SLITRK6: variants seen among roughly 807,000 people sequenced by gnomAD.
SLITRK6 encodes SLIT and NTRK-like protein 6.
In SLITRK6, 35 loss-of-function variants were observed where a neutral mutation model predicts 55.6. The observed-to-expected ratio is 0.63, with a 90% CI of 0.48 to 0.83. The LOEUF is 0.83. Ranked by LOEUF, SLITRK6 falls within the 40% of genes least tolerant of loss-of-function variation. SLITRK6 has a pLI of 0.00. For missense variants in SLITRK6, 977 were observed against 986.4 expected, an observed-to-expected ratio of 0.99 and a Z score of 0.13; for synonymous variants, 392 against 359.6, an observed-to-expected ratio of 1.09 and a Z score of -1.02.
In SLITRK6 at chr13:85,795,053, T is replaced by G; in HGVS notation, c.1456A>C (p.Lys486Gln). ...AACTGGTTTGTTTTAAGATTTACCT[T>G]AGTTAGAGGAACCCCTGAAAAAATA... Reference protein sequence around the residue: ...PHIFSGVPLTKVNLKTNQFTH... With the variant: ...PHIFSGVPLTQVNLKTNQFTH... Residue 486 changes from lysine (K) to glutamine (Q), a missense_variant, in exon 2 of 2, where the codon AAG becomes CAG. Transcript: ENST00000647374. The G allele has an allele frequency of 6.2e-7, 1 of 1,613,010 alleles. No individual in the cohort carries two copies. The highest frequency in any genetic ancestry group is 8.5e-7 in the Non-Finnish European group (1 of 1,179,376).
chr13:85,797,151 C>CTATATATATATATATATATATA (rs10694306), intron 1 of SLITRK6, among the ~76,000 whole-genome samples: 4 of 145,146 alleles, frequency 2.8e-5, no homozygotes, highest in African/African-American at 1.0e-4. Context: ...TCGGTTTTGG[C>CTATATATATATATATATATATA]TATATATATA....
rs1284377220 is a variant in SLITRK6 at position 85,795,907 on chromosome 13, A to G, written c.602T>C (p.Val201Ala). The G allele has an allele frequency of 2.5e-6, 4 of 1,612,948 alleles. No homozygotes were observed. The highest frequency in any genetic ancestry group is 2.2e-5 in the East Asian group (1 of 44,842). The change falls in exon 2 of 2, where the codon GTT (valine) becomes GCT (alanine). Residue 201 changes from valine to alanine, a missense_variant. Transcript: ENST00000647374. ...TCGGCCAATGTGTTCGAGAAAACCA[A>G]CATAAGGCAATGTTTGTAATTGATT... ...RGNQLQTLPY[V>A]GFLEHIGRIL...
chr13:85,794,254 G>T lies in SLITRK6; in HGVS notation c.2255C>A (p.Ala752Asp). The change falls in exon 2 of 2, where the codon GCC becomes GAC. Residue 752 changes from alanine (A) to aspartate (D), a missense_variant. Coordinates refer to ENST00000647374, the MANE Select transcript of SLITRK6 (RefSeq NM_032229.3). ...TAAAATGTTTCTGTACAATGAGCTG[G>T]CATCTTGGAAGGATAAAAATTCTGT... The part of the protein sequence containing the change: ...QSTEFLSFQD[A>D]SSLYRNILEK... The T allele has an allele frequency of 6.2e-7, 1 of 1,613,312 alleles. No homozygotes were observed. Among genetic ancestry groups the T allele is most frequent in the Non-Finnish European group, 8.5e-7 (1 of 1,179,544 alleles).
At position 85,795,086 on chromosome 13, in the gene SLITRK6, G is replaced by A. The variant is rs1247524581; in HGVS notation, c.1423C>T (p.Pro475Ser). Residue 475 changes from proline to serine, a missense_variant, in exon 2 of 2, where the codon CCA becomes TCA. Transcript: ENST00000647374. ...YLNNNLLQVL[P>S]PHIFSGVPLT... ...GGAACCCCTGAAAAAATATGTGGTG[G>A]TAAAACTTGGAGGAGGTTGTTATTT... 6.2e-7 allele frequency: 1 copy of A among 1,613,008 alleles called. No homozygotes were observed. The highest frequency in any genetic ancestry group is 8.5e-7 in the Non-Finnish European group (1 of 1,179,410).
rs760532769 is a variant in SLITRK6 at position 85,794,578 on chromosome 13, A to G, written c.1931T>C (p.Val644Ala). 2.5e-6 allele frequency: 4 copies of G among 1,613,100 alleles called. No individual in the cohort carries two copies. The highest frequency in any genetic ancestry group is 1.3e-5 in the African/African-American group (1 of 74,828). ...HRRRRYKKKQVDEQMRDNSPV... is the reference protein window; with the variant it reads ...HRRRRYKKKQADEQMRDNSPV... ...ACTGTTGTCTCTCATTTGCTCATCT[A>G]CTTGTTTCTTTTTGTATCTTCTCCT... Residue 644 changes from valine (V) to alanine (A), a missense_variant, in exon 2 of 2, where the codon GTA (valine) becomes GCA (alanine). Val to Ala is a moderately conservative substitution (Grantham distance 64). Coordinates refer to ENST00000647374, the MANE Select transcript of SLITRK6 (RefSeq NM_032229.3).
chr13:85,795,667 C>A lies in SLITRK6; in HGVS notation c.842G>T (p.Gly281Val). Residue 281 changes from glycine to valine, a missense_variant, in exon 2 of 2, where the codon GGA (glycine) becomes GTA (valine). Physicochemically the swap from Gly to Val is moderately radical, Grantham distance 109. Coordinates refer to ENST00000647374, the MANE Select transcript of SLITRK6 (RefSeq NM_032229.3). ...AGATGTTGCTGCCAGATGTAATGAT[C>A]CTGAAGGATCCTCATGTTCTTCATA... ...PVYEEHEDPS[G>V]SLHLAATSSI... 1 of 1,613,022 alleles carries A rather than the reference C, an allele frequency of 6.2e-7. No homozygotes were observed. The highest frequency in any genetic ancestry group is 1.1e-5 in the South Asian group (1 of 91,060).
rs1566398927 is a variant in SLITRK6 at position 85,796,261 on chromosome 13, TC to T, written c.247del (p.Asp83ThrfsTer23). 2 of 1,612,446 alleles carry T rather than the reference TC, an allele frequency of 1.2e-6. No homozygotes were observed. Among genetic ancestry groups the T allele is most frequent in the Non-Finnish European group, 1.7e-6 (2 of 1,179,152 alleles). ...NNGLTMLHTN[D>X]FSGLTNAISI... ...AATAGCATTGGTAAGCCCAGAAAAGTCATTTGTGTGAAGCATCGTCAAGCCG... is the reference window on the plus strand; with the variant it reads ...AATAGCATTGGTAAGCCCAGAAAAGTATTTGTGTGAAGCATCGTCAAGCCG... On this transcript the variant is annotated frameshift_variant, in exon 2 of 2. Transcript: ENST00000647374. LOFTEE classifies it high-confidence loss of function.
chr13:85,794,419 G>T lies in SLITRK6; in HGVS notation c.2090C>A (p.Pro697Gln). The part of the protein sequence containing the change: ...VHVYRSPSFG[P>Q]KHLEEEEERN... ...CTCTTCTTCCTCTTCCAGATGCTTT[G>T]GACCAAAGGATGGACTTCTATAGAC... is the stretch of plus-strand genomic sequence containing the variant. The change falls in exon 2 of 2, where the codon CCA (proline) becomes CAA (glutamine). Residue 697 changes from proline (P) to glutamine (Q), a missense_variant. By Grantham distance (76) the Pro-to-Gln change is moderately conservative (BLOSUM62 -1). Transcript: ENST00000647374. 6.2e-7 allele frequency: 1 copy of T among 1,613,190 alleles called. No individual in the cohort carries two copies. The highest frequency in any genetic ancestry group is 8.5e-7 in the Non-Finnish European group (1 of 1,179,552).
intron 1 of SLITRK6, 40 bp from the exon 2 acceptor site, chr13:85,796,572 A>G: frequency 2.1e-6 from 3 of 1,417,064 alleles, no homozygotes; most frequent in Non-Finnish European, 2.8e-6. Flanking sequence ...TTTAGTGGGC[A>G]GAACTGGGGA....
chr13:85,796,009 A>G lies in SLITRK6; in HGVS notation c.500T>C (p.Leu167Ser), dbSNP rs1874709228. Residue 167 changes from leucine to serine, a missense_variant, in exon 2 of 2, where the codon TTA becomes TCA. Physicochemically the swap from Leu to Ser is moderately radical, Grantham distance 145 (BLOSUM62 -2). Transcript: ENST00000647374. ...AAGACTCTCAATAGCATTGTCATTT[A>G]AAATTAACACTTTGAGTCTGTTGAG... ...SKLNRLKVLILNDNAIESLPP... is the reference protein window; with the variant it reads ...SKLNRLKVLISNDNAIESLPP... 1 of 1,613,184 alleles carries G rather than the reference A, an allele frequency of 6.2e-7. No homozygotes were observed. Among genetic ancestry groups the G allele is most frequent in the African/African-American group, 1.3e-5 (1 of 74,966 alleles).
chr13:85,796,408 A>G lies in SLITRK6; in HGVS notation c.101T>C (p.Leu34Pro). The G allele has an allele frequency of 6.2e-7, 1 of 1,612,438 alleles. No individual in the cohort carries two copies. Among genetic ancestry groups the G allele is most frequent in the Non-Finnish European group, 8.5e-7 (1 of 1,179,136 alleles). Residue 34 changes from leucine to proline, a missense_variant, in exon 2 of 2, where the codon CTT (leucine) becomes CCT (proline). By Grantham distance (98) the Leu-to-Pro change is moderately conservative. Coordinates refer to ENST00000647374, the MANE Select transcript of SLITRK6 (RefSeq NM_032229.3). ...VLSSRGSCDS[L>P]CNCEEKDGTM... ...GCCATCTTTTTCCTCACAATTGCAA[A>G]GAGAATCACAAGAGCCTCTGGATGA...
Position 85,795,777 on chromosome 13 carries a change from A to C in SLITRK6, c.732T>G (p.Asp244Glu). 1 of 1,612,968 alleles carries C rather than the reference A, an allele frequency of 6.2e-7. No individual in the cohort carries two copies. The highest frequency in any genetic ancestry group is 8.5e-7 in the Non-Finnish European group (1 of 1,179,444). Reference protein sequence around the residue: ...ENMPPQSIIGDVVCNSPPFFK... With the variant: ...ENMPPQSIIGEVVCNSPPFFK... ...AAAATGGAGGGCTGTTGCAGACAAC[A>C]TCACCAATTATAGACTGTGGAGGCA... The change falls in exon 2 of 2, where the codon GAT becomes GAG. Residue 244 changes from aspartate to glutamate, a missense_variant. Coordinates refer to ENST00000647374, the MANE Select transcript of SLITRK6 (RefSeq NM_032229.3).
Position 85,793,760 on chromosome 13 carries a change from G to T in SLITRK6, c.*223C>A. 2.2e-6 allele frequency: 1 copy of T among 444,496 alleles called. No homozygotes were observed. The highest frequency in any genetic ancestry group is 3.9e-6 in the Non-Finnish European group (1 of 256,030). The allele number at this position is 444,496 out of a possible 1,614,324, so 27.5% of individuals were successfully genotyped here. ...ACTATAATCCTTGAATGATTTACAT[G>T]CAAGGATTTATTTTATTTGGGACAG... On this transcript the variant is annotated 3_prime_UTR_variant, in exon 2 of 2. Transcript: ENST00000647374.
chr13:85,795,240 C>A lies in SLITRK6; in HGVS notation c.1269G>T (p.Leu423=). The A allele has an allele frequency of 6.2e-7, 1 of 1,612,460 alleles. No homozygotes were observed. The highest frequency in any genetic ancestry group is 1.1e-5 in the South Asian group (1 of 90,966). ...LQKLYLNGNH[L]TKLSKGMFLG... ...GGAACATGCCTTTACTTAATTTGGT[C>A]AGGTGGTTACCATTTAGATAGAGTT... The change falls in exon 2 of 2, where the codon CTG becomes CTT. Residue 423 remains leucine, a synonymous_variant. Transcript: ENST00000647374.
intron 1 of SLITRK6, 105 bp from the exon 2 acceptor site, chr13:85,796,637 C>A (rs750741422): frequency 2.2e-6 from 2 of 899,188 alleles, no homozygotes; most frequent in Non-Finnish European, 3.0e-6. Context: ...AAGCAAATGA[C>A]GGATTACCAT....
rs1212085851 is a variant in SLITRK6, at chr13:85,795,592, A to G, written c.917T>C (p.Leu306Pro). ...TATCAAACCTGGTGCTTTGGTGGGTAGTTTTAGAATGGACGTGGTCTTAGT... is the reference window on the plus strand; with the variant it reads ...TATCAAACCTGGTGCTTTGGTGGGTGGTTTTAGAATGGACGTGGTCTTAGT... ...MSTKTTSILKLPTKAPGLIPY... is the reference protein window; with the variant it reads ...MSTKTTSILKPPTKAPGLIPY... Residue 306 changes from leucine (L) to proline (P), a missense_variant, in exon 2 of 2, where the codon CTA becomes CCA. Leu to Pro is a moderately conservative substitution (Grantham distance 98). Transcript: ENST00000647374. The G allele has an allele frequency of 1.9e-6, 3 of 1,612,942 alleles. No individual in the cohort carries two copies. The South Asian group carries it at 3.3e-5, about 18-fold the overall frequency.
In SLITRK6 at chr13:85,795,541, T is replaced by C; in HGVS notation, c.968A>G (p.Gln323Arg). The C allele has an allele frequency of 6.2e-7, 1 of 1,612,786 alleles. No individual in the cohort carries two copies. Among genetic ancestry groups the C allele is most frequent in the Non-Finnish European group, 8.5e-7 (1 of 1,179,338 alleles). ...AATAGGGCAGTAAGGTCCTGGAAGT[T>C]GAGTGGATGGCTTTGTAATATAAGG... The part of the protein sequence containing the change: ...LIPYITKPST[Q>R]LPGPYCPIPC... The change falls in exon 2 of 2, where the codon CAA becomes CGA. Residue 323 changes from glutamine to arginine, a missense_variant. By Grantham distance (43) the Gln-to-Arg change is conservative. Transcript: ENST00000647374.
rs886669300 is a variant in SLITRK6, at chr13:85,795,868, T to G, written c.641A>C (p.Gln214Pro). 3 of 1,612,944 alleles carry G rather than the reference T, an allele frequency of 1.9e-6. No homozygotes were observed. The highest frequency in any genetic ancestry group is 2.5e-6 in the Non-Finnish European group (3 of 1,179,460). The change falls in exon 2 of 2, where the codon CAG becomes CCG. Residue 214 changes from glutamine (Q) to proline (P), a missense_variant. Physicochemically the swap from Gln to Pro is moderately conservative, Grantham distance 76 (BLOSUM62 -1). Transcript: ENST00000647374. ...GCAGGCCCATTTGTTGTCCTCCAAC[T>G]GAAGATCCAATATTCGGCCAATGTG... is the stretch of plus-strand genomic sequence containing the variant. ...LEHIGRILDL[Q>P]LEDNKWACNC... is the part of the protein sequence containing the mutation.
rs779810364 is a variant in SLITRK6, at chr13:85,795,396, C to T, written c.1113G>A (p.Ala371=). 5.0e-6 allele frequency: 8 copies of T among 1,612,640 alleles called. No individual in the cohort carries two copies. Among genetic ancestry groups the T allele is most frequent in the Admixed American group, 1.7e-5 (1 of 59,734 alleles). The part of the protein sequence containing the change: ...PPQNPRKLIL[A]GNIIHSLMKS... ...TCATTAAACTGTGAATAATATTTCCCGCTAGAATGAGCTTTCTAGGATTTT... is the reference window on the plus strand; with the variant it reads ...TCATTAAACTGTGAATAATATTTCCTGCTAGAATGAGCTTTCTAGGATTTT... Residue 371 remains alanine, a synonymous_variant, in exon 2 of 2, where the codon GCG becomes GCA. Transcript: ENST00000647374.
Sources: gnomAD v4.1 joint callset for allele counts (sites outside exome capture counted in the v4.1 genomes callset) on GRCh38, gnomAD v4.1.1 for gene constraint, MANE v1.5 for transcripts, NCBI Gene and HGNC (gene_info 2026-07-23, HGNC 2026-07-21) for gene names.